Variants in ZNF367 observed in about 807,000 individuals in gnomAD.
The protein encoded by ZNF367 is zinc finger protein 367, also known as C2H2 zinc finger protein ZFF29.
ZNF367 carries 11 observed loss-of-function variants against 31.8 expected under a neutral mutation model. The ratio of observed to expected loss-of-function variants is 0.35; its 90% CI spans 0.22 to 0.57. The LOEUF (loss-of-function observed/expected upper bound fraction) is 0.57. Ranked by LOEUF, ZNF367 falls within the 20% of genes least tolerant of loss-of-function variation. The pLI is 0.85. For synonymous variants in ZNF367, 199 were observed against 202.4 expected (o/e 0.98, Z 0.14); for missense variants, 353 against 484.1 (o/e 0.73, Z 2.54).
At chr9:96,403,951 T>C (rs948895634) in intron 1 of ZNF367, among the ~76,000 whole-genome samples, 8 of 152,190 alleles carry the variant, frequency 5.3e-5, no homozygotes, top group African/African-American at 1.9e-4. Context: ...CCCAGCACTT[T>C]GGGAGGCCAA....
At chr9:96,405,293 C>T (rs1454952207) in intron 1 of ZNF367, among the ~76,000 whole-genome samples, 1 of 122,112 alleles carries the variant, frequency 8.2e-6, no homozygotes, top group African/African-American at 3.2e-5. Flanking sequence ...CCAGCCTGGC[C>T]AACTAAGCAA....
Position 96,392,498 on chromosome 9 carries a change from G to A in ZNF367, c.730C>T (p.Pro244Ser), listed in dbSNP as rs367896966. The part of the protein sequence containing the change: ...SRFTHANRHC[P>S]KHPYARLKRE... ...TTCAGCCTGGCGTAGGGGTGCTTCG[G>A]ACAGTGGCGGTTTGCATGGGTGAAT... Residue 244 changes from proline to serine, a missense_variant, in exon 4 of 5, where the codon CCG becomes TCG. Coordinates refer to ENST00000375256, the MANE Select transcript of ZNF367 (RefSeq NM_153695.4). The A allele has an allele frequency of 6.2e-7, 1 of 1,611,840 alleles. No homozygotes were observed. The highest frequency in any genetic ancestry group is 1.1e-5 in the South Asian group (1 of 91,040).
chr9:96,410,142 A>G (rs1213974565), intron 1 of ZNF367, among the ~76,000 whole-genome samples: 1 of 151,960 alleles, frequency 6.6e-6, no homozygotes, highest in Admixed American at 6.6e-5. Flanking sequence ...GGGCGCCTGT[A>G]GTCCCAGCTA....
intron 1 of ZNF367, chr9:96,407,888 G>A (rs926695782): frequency 1.3e-5 from 6 of 462,926 alleles, no homozygotes; most frequent in Middle Eastern, 6.9e-4. Flanking sequence ...TTACAGGCAT[G>A]AGCCACCGCG....
At chr9:96,407,766 A>G (rs1210730093) in intron 1 of ZNF367, 9 of 1,349,376 alleles carry the variant, frequency 6.7e-6, no homozygotes, top group Non-Finnish European at 9.1e-6. Context: ...TTACAAGAAA[A>G]CCACCTAAAT....
chr9:96,409,622 G>A (rs1831715828), intron 1 of ZNF367, among the ~76,000 whole-genome samples: 1 of 152,214 alleles, frequency 6.6e-6, no homozygotes, highest in Non-Finnish European at 1.5e-5. Flanking sequence ...AGATCCTAAT[G>A]GACCATGACT....
chr9:96,404,558 A>T (rs1305173037), intron 1 of ZNF367, among the ~76,000 whole-genome samples: 1 of 150,678 alleles, frequency 6.6e-6, no homozygotes, highest in Non-Finnish European at 1.5e-5. Flanking sequence ...ACGCCACTGC[A>T]CTCCAGCCTG....
chr9:96,418,007 A>T lies in ZNF367; in HGVS notation c.26T>A (p.Met9Lys). ...CGGCGGCGGCGGCGGGTTCTCCGCC[A>T]TGGGCGCCTCGAAGCCCCGGATCAT... is the stretch of plus-strand genomic sequence containing the variant. MIRGFEAP[M>K]AENPPPPPPP... The change falls in exon 1 of 5, where the codon ATG (methionine) becomes AAG (lysine). Residue 9 changes from methionine (M) to lysine (K), a missense_variant. Around this residue, in one of 5 missense-constraint regions of ZNF367, gnomAD observed 94 missense variants for 86.7 expected, o/e 1.08. Coordinates refer to ENST00000375256, the MANE Select transcript of ZNF367 (RefSeq NM_153695.4). 2.1e-6 allele frequency: 3 copies of T among 1,398,322 alleles called. 1 individual carries two copies. Among genetic ancestry groups the T allele is most frequent in the Non-Finnish European group, 1.8e-6 (2 of 1,083,972 alleles). The allele number at this position is 1,398,322 out of a possible 1,614,324, so 86.6% of individuals were successfully genotyped here.
intron 4 of ZNF367, among the ~76,000 whole-genome samples, chr9:96,390,395 A>G (rs1831458587): frequency 6.6e-6 from 1 of 152,214 alleles, no homozygotes; most frequent in African/African-American, 2.4e-5. Context: ...TAAGTTCAGC[A>G]AGTCAGCAGG....
rs902288879 is a variant in ZNF367 at position 96,394,848 on chromosome 9, C to T, written c.666G>A (p.Glu222=). 4 of 1,614,024 alleles carry T rather than the reference C, an allele frequency of 2.5e-6. No individual in the cohort carries two copies. The highest frequency in any genetic ancestry group is 3.4e-6 in the Non-Finnish European group (4 of 1,179,956). ...LKTHQRLHTG[E]KPFVCSENGC... ...CATTTTCTGAACAAACAAAAGGTTT[C>T]TCTCCGGTGTGAAGACGCTGATGTG... Residue 222 remains glutamate (E), a synonymous_variant, in exon 3 of 5, where the codon GAG becomes GAA. Transcript: ENST00000375256.
intron 1 of ZNF367, among the ~76,000 whole-genome samples, chr9:96,414,205 GGT>G (rs760787686): frequency 2.6e-5 from 4 of 151,988 alleles, no homozygotes; most frequent in Non-Finnish European, 5.9e-5. Context: ...CTTAAATAAA[GGT>G]GTATTCCAGA....
chr9:96,388,457 T>A lies in ZNF367; in HGVS notation c.833A>T (p.Tyr278Phe). 6.2e-7 allele frequency: 1 copy of A among 1,608,528 alleles called. No individual in the cohort carries two copies. Among genetic ancestry groups the A allele is most frequent in the Non-Finnish European group, 8.5e-7 (1 of 1,178,414 alleles). The change falls in exon 5 of 5, where the codon TAT (tyrosine) becomes TTT (phenylalanine). Residue 278 changes from tyrosine to phenylalanine, a missense_variant and splice_region_variant. Coordinates refer to ENST00000375256, the MANE Select transcript of ZNF367 (RefSeq NM_153695.4). The part of the protein sequence containing the change: ...NKAAAEWLAR[Y>F]WEMREQRTPT... ...GGTGCGCTGCTCTCTCATTTCCCAATACCTATGTGAAATGCAGCAACATTA... is the reference window on the plus strand; with the variant it reads ...GGTGCGCTGCTCTCTCATTTCCCAAAACCTATGTGAAATGCAGCAACATTA...
intron 1 of ZNF367, among the ~76,000 whole-genome samples, chr9:96,409,147 G>C (rs1831710155): frequency 6.6e-6 from 1 of 152,156 alleles, no homozygotes; most frequent in African/African-American, 2.4e-5. Flanking sequence ...CTTCTGCCTT[G>C]ATTCGAAGCT....
rs751926974 is a variant in ZNF367 at position 96,388,344 on chromosome 9, C to T, written c.946G>A (p.Glu316Lys). 23 of 1,613,034 alleles carry T rather than the reference C, an allele frequency of 1.4e-5. No individual in the cohort carries two copies. The Admixed American group carries it at 2.8e-4, about 20-fold the overall frequency. The change falls in exon 5 of 5, where the codon GAG (glutamate) becomes AAG (lysine). Residue 316 changes from glutamate (E) to lysine (K), a missense_variant. Transcript: ENST00000375256. ...EYLQSDEEDD[E>K]KRGAQRRLQE... ...AGCCGGCGCTGGGCCCCTCTCTTCT[C>T]GTCGTCCTCTTCATCAGACTGAAGG...
intron 1 of ZNF367, chr9:96,407,315 G>A: frequency 3.8e-6 from 6 of 1,564,494 alleles, no homozygotes; most frequent in South Asian, 1.1e-5. Flanking sequence ...GAATTACACC[G>A]TAAACGCTAT....
chr9:96,405,314 C>CAAAAAAAAAAAAAA (rs975848691), intron 1 of ZNF367, among the ~76,000 whole-genome samples: 2 of 55,132 alleles, frequency 3.6e-5, no homozygotes, highest in African/African-American at 6.7e-5. Flanking sequence ...AACTCTGTCT[C>CAAAAAAAAAAAAAA]AAAAAAAAAA....
chr9:96,393,227 C>T (rs1831493261), intron 3 of ZNF367, among the ~76,000 whole-genome samples: 1 of 152,146 alleles, frequency 6.6e-6, no homozygotes, highest in South Asian at 2.1e-4. Context: ...ATTTAAAAAA[C>T]AAATTAAATA....
intron 3 of ZNF367, among the ~76,000 whole-genome samples, chr9:96,393,130 T>C (rs905095839): frequency 2.6e-5 from 4 of 152,178 alleles, no homozygotes; most frequent in Non-Finnish European, 5.9e-5. Context: ...ATTCCATTTG[T>C]GGATTCCAAC....
intron 3 of ZNF367, 87 bp downstream of exon 3, chr9:96,394,736 T>C (rs1831510454): frequency 7.9e-7 from 1 of 1,271,142 alleles, no homozygotes; most frequent in Non-Finnish European, 1.1e-6. Flanking sequence ...TTAAAAAATC[T>C]TTCCCCTCAA....
Sources: allele counts gnomAD v4.1 joint callset (sites outside exome capture counted in the v4.1 genomes callset), GRCh38; gene constraint gnomAD v4.1.1; regional missense constraint gnomAD v4.1.1; transcripts MANE v1.5; gene names NCBI Gene and HGNC (gene_info 2026-07-23, HGNC 2026-07-21).